The following ANK2 variants were observed in gnomAD, a reference collection of about 807,000 sequenced individuals.
The protein encoded by ANK2 is ankyrin 2.
A neutral mutation model predicts 360.5 loss-of-function variants in ANK2; 83 were observed. The observed-to-expected ratio is 0.23, with a 90% CI of 0.19 to 0.28. The LOEUF (loss-of-function observed/expected upper bound fraction) is 0.28, where lower values mean the gene tolerates loss of function less well. Among genes scored for constraint, ANK2 ranks in the 10% least tolerant of loss-of-function variants. ANK2 has a pLI of 1.00. For synonymous variants in ANK2, 1,740 were observed against 1,759.5 expected, an observed-to-expected ratio of 0.99 and a Z score of 0.28; for missense variants, 4,201 against 4,795.7, an observed-to-expected ratio of 0.88 and a Z score of 3.66.
intron 1 of ANK2, among the ~76,000 whole-genome samples, chr4:112,867,184 C>T (rs2070933505): frequency 6.6e-6 from 1 of 150,958 alleles, no homozygotes; most frequent in African/African-American, 2.4e-5. Flanking sequence ...ATTTTCTTAT[C>T]TTCCCTAAAC....
rs944819609 is a variant in ANK2 at position 113,381,944 on chromosome 4, G to A, written c.*473G>A. The A allele has an allele frequency of 1.5e-5, 5 of 333,386 alleles. No homozygotes were observed. Among genetic ancestry groups the A allele is most frequent in the Non-Finnish European group, 3.0e-5 (5 of 168,862 alleles). The allele number at this position is 333,386 out of a possible 1,614,324, so 20.7% of individuals were successfully genotyped here. A position where few individuals can be genotyped will look rare whatever the true frequency, so the allele number is the denominator to read the frequency against. On this transcript the variant is annotated 3_prime_UTR_variant, in exon 46 of 46. Transcript: ENST00000357077. Reference sequence around the variant, plus strand: ...TGCACAAGATCCATGAAAATCCATTGATCAGAAGAACTTCACCTGCAGACC... The same window carrying A: ...TGCACAAGATCCATGAAAATCCATTAATCAGAAGAACTTCACCTGCAGACC...
At chr4:112,971,731 G>A (rs556813412) in intron 2 of ANK2, among the ~76,000 whole-genome samples, 14 of 152,092 alleles carry the variant, frequency 9.2e-5, no homozygotes, top group Non-Finnish European at 1.9e-4. Flanking sequence ...CATATTGGGG[G>A]TGGAGGGACA....
chr4:112,730,592 G>A, the ANK2 span, among the ~76,000 whole-genome samples: 8 of 125,172 alleles, frequency 6.4e-5, no homozygotes, highest in Admixed American at 1.0e-4. Context: ...AGCCGAGATC[G>A]CACCGTTGCA....
intron 1 of ANK2, among the ~76,000 whole-genome samples, chr4:112,825,090 C>T (rs1378391611): frequency 6.6e-6 from 1 of 152,062 alleles, no homozygotes; most frequent in African/African-American, 2.4e-5. Context: ...ATTGCAAGGA[C>T]AGAAAACCAA....
At chr4:113,244,776 C>T (rs758147478) in intron 9 of ANK2, among the ~76,000 whole-genome samples, 14 of 152,084 alleles carry the variant, frequency 9.2e-5, no homozygotes, top group Admixed American at 2.6e-4. Flanking sequence ...TACACCCGTC[C>T]CCCAACAGGC....
intron 2 of ANK2, among the ~76,000 whole-genome samples, chr4:112,982,699 A>G (rs2043474697): frequency 6.6e-6 from 1 of 152,238 alleles, no homozygotes; most frequent in African/African-American, 2.4e-5. Flanking sequence ...CATGTGACCA[A>G]TCAATCCCTG....
At chr4:113,231,226 G>T (rs1225458343) in intron 4 of ANK2, among the ~76,000 whole-genome samples, 1 of 151,522 alleles carries the variant, frequency 6.6e-6, no homozygotes, top group Middle Eastern at 3.2e-3. Context: ...TAATTTTTTT[G>T]TATTTTTAGT....
the ANK2 span, chr4:112,788,968 A>G: frequency 1.8e-6 from 1 of 561,342 alleles, no homozygotes. Flanking sequence ...GAGGGCAGGA[A>G]CCATATTTTA....
intron 1 of ANK2, among the ~76,000 whole-genome samples, chr4:113,123,905 T>C (rs1186493390): frequency 6.6e-6 from 1 of 151,930 alleles, no homozygotes; most frequent in East Asian, 1.9e-4. Context: ...GGAGACACCC[T>C]GGCAACTTTC....
chr4:112,802,588 T>G, the ANK2 span, among the ~76,000 whole-genome samples: 1 of 152,212 alleles, frequency 6.6e-6, no homozygotes, highest in Non-Finnish European at 1.5e-5. Flanking sequence ...ATTATTCCTT[T>G]ATATAACCTT....
intron 1 of ANK2, among the ~76,000 whole-genome samples, chr4:112,823,615 G>C (rs1464397855): frequency 6.6e-6 from 1 of 151,390 alleles, no homozygotes; most frequent in Non-Finnish European, 1.5e-5. Context: ...AATAGCTGCT[G>C]TACTAATTGT....
intron 1 of ANK2, among the ~76,000 whole-genome samples, chr4:113,074,391 G>T (rs1010001769): frequency 1.3e-5 from 2 of 152,146 alleles, no homozygotes; most frequent in Non-Finnish European, 2.9e-5. Flanking sequence ...TGACTTAATT[G>T]TTCTGGAGTA....
intron 2 of ANK2, among the ~76,000 whole-genome samples, chr4:113,024,651 A>T (rs1252659584): frequency 6.6e-6 from 1 of 152,128 alleles, no homozygotes; most frequent in Non-Finnish European, 1.5e-5. Flanking sequence ...TGACTGTATA[A>T]CTTGTTCCTT....
intron 13 of ANK2, among the ~76,000 whole-genome samples, chr4:113,262,707 A>G (rs1563252512): frequency 6.6e-6 from 1 of 150,574 alleles, no homozygotes; most frequent in East Asian, 1.9e-4. Context: ...ACTATATAGC[A>G]TTTACATTGT....
chr4:113,039,871 T>C (rs2062523835), intron 2 of ANK2, among the ~76,000 whole-genome samples: 1 of 152,030 alleles, frequency 6.6e-6, no homozygotes, highest in Non-Finnish European at 1.5e-5. Flanking sequence ...ATGATTTACA[T>C]TTATAATGGA....
the ANK2 span, among the ~76,000 whole-genome samples, chr4:112,727,441 A>C: frequency 5.3e-5 from 8 of 152,168 alleles, no homozygotes; most frequent in East Asian, 1.3e-3. Context: ...AATTAAGCCC[A>C]AAGTTAGTAG....
chr4:112,801,964 T>A, the ANK2 span, among the ~76,000 whole-genome samples: 1 of 150,842 alleles, frequency 6.6e-6, no homozygotes, highest in Non-Finnish European at 1.5e-5. Flanking sequence ...ATTCATGATT[T>A]TTTTTTTTTG....
the ANK2 span, among the ~76,000 whole-genome samples, chr4:112,800,775 C>T: frequency 6.6e-6 from 1 of 152,170 alleles, no homozygotes; most frequent in East Asian, 1.9e-4. Context: ...CTGTCTCAGC[C>T]TCCCGAGTAG....
rs2038970503 is a variant in ANK2, at chr4:112,970,159, T to C, written c.21+65645T>C. ...CCACCACACCAGTTTAATTTTTTTG[T>C]ATTTTTAGTAGAGACGGGGTTTCAC... is the stretch of plus-strand genomic sequence containing the variant. On this transcript the variant is annotated intron_variant, in intron 2 of 30. Transcript: ENST00000503271. Among the ~76,000 whole-genome samples the C allele has an allele frequency of 8.6e-5, 13 of 151,774 alleles. No homozygotes were observed. In the South Asian group the frequency reaches 2.7e-3, roughly 32 times the overall value.
Sources: allele counts gnomAD v4.1 joint callset (sites outside exome capture counted in the v4.1 genomes callset), GRCh38; gene constraint gnomAD v4.1.1; transcripts MANE v1.5; gene names NCBI Gene and HGNC (gene_info 2026-07-23, HGNC 2026-07-21).